NUDCD2: variants seen among roughly 807,000 people sequenced by gnomAD.
NUDCD2 encodes nudC domain-containing protein 2.
In NUDCD2, 16 loss-of-function variants were observed where a neutral mutation model predicts 20.8. That is an observed-to-expected ratio of 0.77 (90% CI 0.52 to 1.17). NUDCD2 has a LOEUF of 1.17. Ranked by LOEUF, NUDCD2 falls within the 50% of genes most tolerant of loss-of-function variation. The pLI is 0.00. For synonymous variants in NUDCD2, 87 were observed against 72.8 expected (o/e 1.20, Z -1.00); for missense variants, 199 against 193.9 (o/e 1.03, Z -0.16).
intron 3 of NUDCD2, among the ~76,000 whole-genome samples, chr5:163,454,515 A>G (rs187611979): frequency 8.6e-5 from 13 of 152,014 alleles, no homozygotes; most frequent in African/African-American, 2.7e-4. Context: ...CTAATTTTGT[A>G]TTTTTAGTAG....
Position 163,460,012 on chromosome 5 carries a change from C to A in NUDCD2, c.39G>T (p.Pro13=). Residue 13 remains proline, a synonymous_variant, in exon 1 of 4, where the codon CCG becomes CCT. Transcript: ENST00000302764. ...APFEERSGVV[P]CGTPWGQWYQ... ...ACCACTGGCCCCACGGGGTCCCGCACGGTACCACCCCACTCCGCTCCTCAA... is the reference window on the plus strand; with the variant it reads ...ACCACTGGCCCCACGGGGTCCCGCAAGGTACCACCCCACTCCGCTCCTCAA... 2 of 1,610,680 alleles carry A rather than the reference C, an allele frequency of 1.2e-6. No homozygotes were observed. Among genetic ancestry groups the A allele is most frequent in the South Asian group, 1.1e-5 (1 of 90,838 alleles).
intron 2 of NUDCD2, 85 bp from the exon 3 acceptor site, chr5:163,457,165 A>T (rs1351485179): frequency 1.0e-4 from 135 of 1,348,882 alleles, no homozygotes; most frequent in Non-Finnish European, 1.3e-4. Context: ...AGACAGTATC[A>T]CTCTCACCCA....
At position 163,447,115 on chromosome 5, in the gene NUDCD2, CAGT is replaced by C. The variant is rs1758055815; in HGVS notation, c.*6849_*6851del. 1.3e-5 allele frequency: 2 copies of C among 152,130 alleles called. No individual in the cohort carries two copies. The highest frequency in any genetic ancestry group is 1.3e-4 in the Admixed American group (2 of 15,284). 9.4% of individuals were successfully genotyped at this position (152,130 alleles called of 1,614,324 possible). ...TATATAATGATAAAATTCACCAAGA[CAGT>C]GCTAAAAGTGTAAGCACTTATTATC... On this transcript the variant is annotated 3_prime_UTR_variant, in exon 4 of 4. Coordinates refer to ENST00000302764, the MANE Select transcript of NUDCD2 (RefSeq NM_145266.6).
intron 1 of NUDCD2, 86 bp from the exon 2 acceptor site, chr5:163,457,696 C>G (rs999739142): frequency 1.8e-5 from 15 of 844,676 alleles, no homozygotes; most frequent in East Asian, 7.4e-5. Flanking sequence ...ACTTTCCTAC[C>G]TAATCCACAT....
intron 3 of NUDCD2, among the ~76,000 whole-genome samples, chr5:163,454,445 G>A (rs1183487425): frequency 1.3e-5 from 2 of 152,098 alleles, no homozygotes; most frequent in African/African-American, 4.8e-5. Context: ...AGGTTCAAGC[G>A]ATTCTCCTGC....
In NUDCD2 at chr5:163,449,962, A is replaced by G. The variant is rs1479179156; in HGVS notation, c.*4005T>C. On this transcript the variant is annotated 3_prime_UTR_variant, in exon 4 of 4. Transcript: ENST00000302764. Reference sequence around the variant, plus strand: ...TAAATTTATAAAATTTTTAGAAGAAAAAAATCCATAGGCCGGGCACGGTGG... The same window carrying G: ...TAAATTTATAAAATTTTTAGAAGAAGAAAATCCATAGGCCGGGCACGGTGG... 1 of 152,220 alleles carries G rather than the reference A, an allele frequency of 6.6e-6. No homozygotes were observed. The highest frequency in any genetic ancestry group is 1.5e-5 in the Non-Finnish European group (1 of 68,036). 9.4% of individuals were successfully genotyped at this position (152,220 alleles called of 1,614,324 possible).
chr5:163,457,023 C>T lies in NUDCD2; in HGVS notation c.296G>A (p.Cys99Tyr), dbSNP rs1374213566. The change falls in exon 3 of 4, where the codon TGT becomes TAT. Residue 99 changes from cysteine (C) to tyrosine (Y), a missense_variant. Physicochemically the swap from Cys to Tyr is radical, Grantham distance 194. Transcript: ENST00000302764. ...LTKTKRDAAN[C>Y]WTSLLESEYA... The stretch of plus-strand genomic sequence containing the variant: ...TTCAGATTCTAGTAGAGAAGTCCAA[C>T]AATTTGCTGCATCTCTCTTTGTCTT... 6.2e-7 allele frequency: 1 copy of T among 1,613,374 alleles called. No homozygotes were observed.
chr5:163,456,848 A>G (rs1478093669), intron 3 of NUDCD2, 81 bp downstream of exon 3: 1 of 1,026,458 alleles, frequency 9.7e-7, no homozygotes, highest in Non-Finnish European at 1.3e-6. Flanking sequence ...TCATAATGAC[A>G]TTTGAGTTTT....
Position 163,460,045 on chromosome 5 carries a change from C to A in NUDCD2, c.6G>T (p.Ser2=). The A allele has an allele frequency of 1.3e-6, 2 of 1,577,628 alleles. No individual in the cohort carries two copies. The highest frequency in any genetic ancestry group is 1.7e-6 in the Non-Finnish European group (2 of 1,163,730). The part of the protein sequence containing the change: M[S]APFEERSGVV... ...CCCCACTCCGCTCCTCAAACGGGGC[C>A]GACATAATCCAGTCCCTCCCGGCCG... Residue 2 remains serine (S), a synonymous_variant, in exon 1 of 4, where the codon TCG becomes TCT. Coordinates refer to ENST00000302764, the MANE Select transcript of NUDCD2 (RefSeq NM_145266.6).
intron 3 of NUDCD2, among the ~76,000 whole-genome samples, chr5:163,454,978 C>T (rs987835388): frequency 2.0e-5 from 3 of 152,078 alleles, no homozygotes; most frequent in Non-Finnish European, 4.4e-5. Flanking sequence ...GCTTTGCAGT[C>T]CACATAGTCT....
rs1758061753 is a variant in NUDCD2 at position 163,447,357 on chromosome 5, G to A, written c.*6610C>T. ...TCCTAGGTACTGAGGAGCCTGAGGT[G>A]GGAAGACTGTCTGAGCCCAGGAGTT... On this transcript the variant is annotated 3_prime_UTR_variant, in exon 4 of 4. Transcript: ENST00000302764. 6.6e-6 allele frequency: 1 copy of A among 151,852 alleles called. No individual in the cohort carries two copies. The highest frequency in any genetic ancestry group is 2.4e-5 in the African/African-American group (1 of 41,310). The allele number at this position is 151,852 out of a possible 1,614,324, so 9.4% of individuals were successfully genotyped here. A position where few individuals can be genotyped will look rare whatever the true frequency, so the allele number is the denominator to read the frequency against.
chr5:163,457,693 T>C (rs1046994840), intron 1 of NUDCD2, 83 bp from the exon 2 acceptor site: 8 of 873,924 alleles, frequency 9.2e-6, no homozygotes, highest in East Asian at 2.4e-5. Flanking sequence ...CCTACTTTCC[T>C]ACCTAATCCA....
rs775820086 is a variant in NUDCD2 at position 163,452,550 on chromosome 5, C to A, written c.*1417G>T. On this transcript the variant is annotated 3_prime_UTR_variant, in exon 4 of 4. Coordinates refer to ENST00000302764, the MANE Select transcript of NUDCD2 (RefSeq NM_145266.6). Reference sequence around the variant, plus strand: ...AGAAAATAATGAGTTTATAGAGATACGATAAATTTAAAGTCTGATCAGAAA... The same window carrying A: ...AGAAAATAATGAGTTTATAGAGATAAGATAAATTTAAAGTCTGATCAGAAA... The A allele has an allele frequency of 6.6e-6, 1 of 151,974 alleles. No homozygotes were observed. Among genetic ancestry groups the A allele is most frequent in the Non-Finnish European group, 1.5e-5 (1 of 67,906 alleles). The allele number at this position is 151,974 out of a possible 1,614,324, so 9.4% of individuals were successfully genotyped here. A position where few individuals can be genotyped will look rare whatever the true frequency, so the allele number is the denominator to read the frequency against.
At chr5:163,455,487 G>A (rs965818751) in intron 3 of NUDCD2, among the ~76,000 whole-genome samples, 1 of 152,152 alleles carries the variant, frequency 6.6e-6, no homozygotes, top group Non-Finnish European at 1.5e-5. Context: ...TAACTGGCTG[G>A]GCGCGGTGGT....
chr5:163,456,914 C>T lies in NUDCD2; in HGVS notation c.390+15G>A. ...ATATTTAATTACACATACTCATACA[C>T]TTCATCTGACTTACTTCTTTTTGGA... On this transcript the variant is annotated intron_variant, in intron 3 of 3. Coordinates refer to ENST00000302764, the MANE Select transcript of NUDCD2 (RefSeq NM_145266.6). The T allele has an allele frequency of 6.3e-7, 1 of 1,581,970 alleles. No individual in the cohort carries two copies. The highest frequency in any genetic ancestry group is 8.6e-7 in the Non-Finnish European group (1 of 1,161,320).
At position 163,454,008 on chromosome 5, in the gene NUDCD2, A is replaced by G; in HGVS notation, c.433T>C (p.Tyr145His). 6.4e-7 allele frequency: 1 copy of G among 1,562,478 alleles called. No individual in the cohort carries two copies. Among genetic ancestry groups the G allele is most frequent in the Non-Finnish European group, 8.7e-7 (1 of 1,150,580 alleles). Residue 145 changes from tyrosine to histidine, a missense_variant, in exon 4 of 4, where the codon TAC becomes CAC. Coordinates refer to ENST00000302764, the MANE Select transcript of NUDCD2 (RefSeq NM_145266.6). ...DFSGAEISGNYTKGGPDFSNL... is the reference protein window; with the variant it reads ...DFSGAEISGNHTKGGPDFSNL... ...GAGAAATCTGGTCCACCTTTAGTGT[A>G]GTTTCCTGAGATTTCTGCTCCACTG...
chr5:163,458,224 G>GC (rs1296944266), intron 1 of NUDCD2, among the ~76,000 whole-genome samples: 2 of 151,846 alleles, frequency 1.3e-5, no homozygotes, highest in African/African-American at 4.8e-5. Flanking sequence ...CTTGTGATCC[G>GC]CCCGCCTAGG....
chr5:163,454,059 T>C lies in NUDCD2; in HGVS notation c.391-9A>G. The stretch of plus-strand genomic sequence containing the variant: ...AAGTCAAAACCAGGATTCTAAAAGA[T>C]ACAAACATATATATAATGAAATAAA... On this transcript the variant is annotated splice_polypyrimidine_tract_variant and intron_variant, in intron 3 of 3. Coordinates refer to ENST00000302764, the MANE Select transcript of NUDCD2 (RefSeq NM_145266.6). 2 of 1,449,660 alleles carry C rather than the reference T, an allele frequency of 1.4e-6. No individual in the cohort carries two copies. Among genetic ancestry groups the C allele is most frequent in the Non-Finnish European group, 1.9e-6 (2 of 1,060,174 alleles). The allele number at this position is 1,449,660 out of a possible 1,614,324, so 89.8% of individuals were successfully genotyped here. A position where few individuals can be genotyped will look rare whatever the true frequency, so the allele number is the denominator to read the frequency against.
At chr5:163,459,752 T>C in intron 1 of NUDCD2, 110 bp downstream of exon 1, 1 of 946,942 alleles carries the variant, frequency 1.1e-6, no homozygotes, top group Non-Finnish European at 1.6e-6. Flanking sequence ...ATCCTCTTTC[T>C]CTTTCTGCCA....
Sources: allele counts gnomAD v4.1 joint callset (sites outside exome capture counted in the v4.1 genomes callset), GRCh38; gene constraint gnomAD v4.1.1; transcripts MANE v1.5; gene names NCBI Gene and HGNC (gene_info 2026-07-23, HGNC 2026-07-21).